TRIM37: variants seen among roughly 807,000 people sequenced by gnomAD.
The protein encoded by TRIM37 is E3 ubiquitin-protein ligase TRIM37.
In TRIM37, 80 loss-of-function variants were observed where a neutral mutation model predicts 129.8. The ratio of observed to expected loss-of-function variants is 0.62; its 90% CI spans 0.51 to 0.74. The LOEUF (loss-of-function observed/expected upper bound fraction) is 0.74, where lower values mean the gene tolerates loss of function less well. Among genes scored for constraint, TRIM37 ranks in the 30% least tolerant of loss-of-function variants. The probability of loss-of-function intolerance (pLI) is 0.00; values close to 1 mark genes in which losing one functional copy is unlikely to be tolerated. For missense variants in TRIM37, 1,054 were observed against 1,176.5 expected, an observed-to-expected ratio of 0.90 and a Z score of 1.52; for synonymous variants, 389 against 387.1, an observed-to-expected ratio of 1.00 and a Z score of -0.06.
chr17:58,991,621 T>A (rs2032417346), intron 24 of TRIM37, among the ~76,000 whole-genome samples: 1 of 152,152 alleles, frequency 6.6e-6, no homozygotes, highest in Non-Finnish European at 1.5e-5. Flanking sequence ...CAGACCAGGA[T>A]CGCTCTGAAT....
intron 12 of TRIM37, among the ~76,000 whole-genome samples, chr17:59,058,340 A>G (rs1160026521): frequency 6.6e-6 from 1 of 152,216 alleles, no homozygotes; most frequent in African/African-American, 2.4e-5. Context: ...ATGAGAACTT[A>G]TGAACACAAA....
intron 3 of TRIM37, among the ~76,000 whole-genome samples, chr17:59,090,347 T>C (rs1211464954): frequency 6.6e-6 from 1 of 152,040 alleles, no homozygotes; most frequent in African/African-American, 2.4e-5. Context: ...CAATATTATA[T>C]CATTGGTACA....
intron 16 of TRIM37, among the ~76,000 whole-genome samples, chr17:59,045,515 T>C (rs544855522): frequency 7.6e-4 from 114 of 150,714 alleles, no homozygotes; most frequent in African/African-American, 2.7e-3. Context: ...GGTGGGTGCC[T>C]GTAATCCCAG....
chr17:58,985,519 T>C (rs1394711397), intron 24 of TRIM37, among the ~76,000 whole-genome samples: 1 of 152,202 alleles, frequency 6.6e-6, no homozygotes, highest in Non-Finnish European at 1.5e-5. Context: ...CTAACCAAGC[T>C]TTCCCCTTTC....
At chr17:59,077,310 C>T (rs1272485771) in intron 7 of TRIM37, among the ~76,000 whole-genome samples, 1 of 150,646 alleles carries the variant, frequency 6.6e-6, no homozygotes, top group Non-Finnish European at 1.5e-5. Flanking sequence ...CACCACATTG[C>T]CCAGGCTGGG....
At chr17:59,036,681 C>T (rs2038550692) in intron 17 of TRIM37, among the ~76,000 whole-genome samples, 2 of 152,034 alleles carry the variant, frequency 1.3e-5, no homozygotes. Flanking sequence ...TTAATATGGT[C>T]TATAAAATAA....
chr17:59,098,303 T>C (rs1193640443), intron 2 of TRIM37, among the ~76,000 whole-genome samples: 2 of 152,142 alleles, frequency 1.3e-5, no homozygotes, highest in Non-Finnish European at 2.9e-5. Flanking sequence ...AGGTGGATAG[T>C]GGTGATGGCT....
At chr17:59,053,389 A>G (rs2040537987) in intron 13 of TRIM37, among the ~76,000 whole-genome samples, 2 of 152,198 alleles carry the variant, frequency 1.3e-5, no homozygotes, top group African/African-American at 4.8e-5. Flanking sequence ...CCTATCCACA[A>G]ACTTCATAGC....
chr17:59,060,458 T>C lies in TRIM37; in HGVS notation c.1019+574A>G, dbSNP rs1456857899. On this transcript the variant is annotated intron_variant, in intron 12 of 23. Transcript: ENST00000262294. Reference sequence around the variant, plus strand: ...GTAACAGAGTTAAAAAAAAAAATCATTAATATGATTCCAGATCCCACATTG... The same window carrying C: ...GTAACAGAGTTAAAAAAAAAAATCACTAATATGATTCCAGATCCCACATTG... Among the ~76,000 whole-genome samples the C allele has an allele frequency of 2.0e-5, 3 of 152,060 alleles. No individual in the cohort carries two copies. In the South Asian group the frequency reaches 6.2e-4, roughly 31 times the overall value.
intron 2 of TRIM37, among the ~76,000 whole-genome samples, chr17:59,092,398 CAA>C (rs1335472972): frequency 2.1e-5 from 2 of 93,500 alleles, no homozygotes; most frequent in Non-Finnish European, 4.4e-5. Context: ...GACTCTGTCT[CAA>C]AAAAAAAAAA....
intron 17 of TRIM37, among the ~76,000 whole-genome samples, chr17:59,034,179 AT>A (rs2145688533): frequency 6.6e-6 from 1 of 151,832 alleles, no homozygotes; most frequent in South Asian, 2.1e-4. Context: ...GTTCTTATGT[AT>A]AGTTAAGTCC....
intron 7 of TRIM37, among the ~76,000 whole-genome samples, chr17:59,077,809 C>CAAAA (rs36007655): frequency 4.3e-4 from 31 of 71,272 alleles, no homozygotes; most frequent in South Asian, 2.1e-3. Context: ...GACTCCATCT[C>CAAAA]AAAAAAAAAA....
At position 59,084,119 on chromosome 17, in the gene TRIM37, T is replaced by C. The variant is rs868127354; in HGVS notation, c.282-30A>G. On this transcript the variant is annotated intron_variant, in intron 4 of 23. Coordinates refer to ENST00000262294, the MANE Select transcript of TRIM37 (RefSeq NM_015294.6). The stretch of plus-strand genomic sequence containing the variant: ...ACATTATGAAAAGAAAATGAAGTTA[T>C]AAATTAAATTGGAACATAATCACCT... 9 of 1,559,530 alleles carry C rather than the reference T, an allele frequency of 5.8e-6. No individual in the cohort carries two copies. In the Middle Eastern group the frequency reaches 8.4e-4, roughly 145 times the overall value.
intron 20 of TRIM37, 85 bp downstream of exon 20, chr17:59,017,211 A>AAGAT: frequency 6.5e-7 from 1 of 1,541,934 alleles, no homozygotes; most frequent in East Asian, 2.3e-5. Flanking sequence ...GGTGCCCTTC[A>AAGAT]AGATCTAAAG....
In TRIM37 at chr17:59,086,012, T is replaced by C. The variant is rs191204447; in HGVS notation, c.282-1923A>G. Among the ~76,000 whole-genome samples the C allele has an allele frequency of 3.4e-3, 514 of 152,206 alleles. 7 individuals are homozygous for C. The highest frequency in any genetic ancestry group is 0.012 in the African/African-American group (505 of 41,524). ...CAGATAGAAACAGAAAGTACAATGGTGGCTGCCAGGGGCTGGTGCGAAGAA... is the reference window on the plus strand; with the variant it reads ...CAGATAGAAACAGAAAGTACAATGGCGGCTGCCAGGGGCTGGTGCGAAGAA... On this transcript the variant is annotated intron_variant, in intron 4 of 23. Coordinates refer to ENST00000262294, the MANE Select transcript of TRIM37 (RefSeq NM_015294.6).
At chr17:59,032,183 G>T in intron 17 of TRIM37, 93 bp from the exon 18 acceptor site, 1 of 1,290,880 alleles carries the variant, frequency 7.7e-7, no homozygotes, top group Non-Finnish European at 1.1e-6. Flanking sequence ...ATGAATACTT[G>T]TCTATGGACC....
chr17:59,084,199 G>A (rs1469644053), intron 4 of TRIM37, 110 bp from the exon 5 acceptor site: 3 of 824,976 alleles, frequency 3.6e-6, no homozygotes, highest in African/African-American at 3.4e-5. Flanking sequence ...TATATCTCAA[G>A]AAACACAGTA....
the TRIM37 span, among the ~76,000 whole-genome samples, chr17:58,971,956 TA>T: frequency 6.6e-6 from 1 of 152,276 alleles, no homozygotes; most frequent in Non-Finnish European, 1.5e-5. Context: ...TATATACACA[TA>T]AATACATACA....
intron 6 of TRIM37, among the ~76,000 whole-genome samples, chr17:59,080,831 A>C (rs2043194259): frequency 6.6e-6 from 1 of 152,096 alleles, no homozygotes; most frequent in Admixed American, 6.5e-5. Context: ...ACTCTGTAAC[A>C]AACAGACTTT....
Sources: allele counts gnomAD v4.1 joint callset (sites outside exome capture counted in the v4.1 genomes callset), GRCh38; gene constraint gnomAD v4.1.1; transcripts MANE v1.5; gene names NCBI Gene and HGNC (gene_info 2026-07-23, HGNC 2026-07-21).